The following CSMD1 variants were observed in gnomAD, a reference collection of about 807,000 sequenced individuals.
The protein encoded by CSMD1 is CUB and Sushi multiple domains 1.
A neutral mutation model predicts 417.5 loss-of-function variants in CSMD1; 213 were observed. The observed-to-expected ratio is 0.51, with a 90% CI of 0.46 to 0.57. The LOEUF (loss-of-function observed/expected upper bound fraction) is 0.57. CSMD1 is among the 20% of genes least tolerant of loss of function. The pLI is 0.00. For missense variants in CSMD1, 6,923 were observed against 4,529.7 expected (o/e 1.53, Z -15.17); for synonymous variants, 2,862 against 1,736.8 (o/e 1.65, Z -16.11).
At chr8:4,194,659 A>G (rs1443310998) in intron 3 of CSMD1, among the ~76,000 whole-genome samples, 2 of 152,178 alleles carry the variant, frequency 1.3e-5, no homozygotes, top group East Asian at 1.9e-4. Context: ...AAATAAAAAC[A>G]TTTAATAAAA....
chr8:4,332,084 A>G (rs1482533712), intron 3 of CSMD1, among the ~76,000 whole-genome samples: 3 of 152,086 alleles, frequency 2.0e-5, no homozygotes, highest in East Asian at 3.9e-4. Context: ...TGAATCATCT[A>G]TTTTTAATTT....
chr8:3,655,135 T>C (rs1353510993), intron 7 of CSMD1, among the ~76,000 whole-genome samples: 3 of 152,228 alleles, frequency 2.0e-5, no homozygotes, highest in Non-Finnish European at 2.9e-5. Flanking sequence ...AAGCTTTAGC[T>C]ATAGAGCTAA....
intron 42 of CSMD1, among the ~76,000 whole-genome samples, chr8:3,112,240 C>T (rs1254846997): frequency 6.6e-6 from 1 of 152,180 alleles, no homozygotes; most frequent in Non-Finnish European, 1.5e-5. Context: ...TAAGAGTGAA[C>T]TCATGAAACC....
chr8:4,282,711 T>C (rs1373271204), intron 3 of CSMD1, among the ~76,000 whole-genome samples: 1 of 152,226 alleles, frequency 6.6e-6, no homozygotes, highest in Non-Finnish European at 1.5e-5. Context: ...ACAACTCATT[T>C]ATAATCGGAA....
intron 7 of CSMD1, among the ~76,000 whole-genome samples, chr8:3,632,776 C>G (rs940580508): frequency 6.6e-6 from 1 of 152,178 alleles, no homozygotes; most frequent in Non-Finnish European, 1.5e-5. Flanking sequence ...TTGTTTTTGG[C>G]AGTCTCCATT....
chr8:3,170,958 G>A (rs926375774), intron 37 of CSMD1, among the ~76,000 whole-genome samples: 3 of 152,170 alleles, frequency 2.0e-5, no homozygotes, highest in South Asian at 2.1e-4. Context: ...GGCACACAAT[G>A]TTGAACCACT....
intron 1 of CSMD1, among the ~76,000 whole-genome samples, chr8:4,864,411 C>G (rs887974267): frequency 6.6e-6 from 1 of 151,818 alleles, no homozygotes; most frequent in Admixed American, 6.6e-5. Flanking sequence ...AATATCACTT[C>G]CTTACTTTAC....
At chr8:3,185,999 T>C (rs1010094473) in intron 36 of CSMD1, among the ~76,000 whole-genome samples, 2 of 152,102 alleles carry the variant, frequency 1.3e-5, no homozygotes, top group African/African-American at 4.8e-5. Flanking sequence ...GATATTTTAA[T>C]TTATTTTTCC....
At chr8:3,652,695 C>T (rs1797918965) in intron 7 of CSMD1, among the ~76,000 whole-genome samples, 1 of 152,098 alleles carries the variant, frequency 6.6e-6, no homozygotes, top group Non-Finnish European at 1.5e-5. Flanking sequence ...GGAAACTGCC[C>T]ATGTGATTCA....
At chr8:3,720,609 G>A (rs1403287670) in intron 6 of CSMD1, among the ~76,000 whole-genome samples, 1 of 70,430 alleles carries the variant, frequency 1.4e-5, no homozygotes, top group African/African-American at 5.6e-5. Context: ...GGTGGTCAAA[G>A]TCTTTATTCT....
At chr8:4,180,816 C>T (rs944990916) in intron 3 of CSMD1, among the ~76,000 whole-genome samples, 3 of 151,962 alleles carry the variant, frequency 2.0e-5, no homozygotes, top group African/African-American at 7.3e-5. Flanking sequence ...GTTCACAAAT[C>T]CAACCAACCA....
At chr8:4,624,607 T>G (rs904895952) in intron 2 of CSMD1, among the ~76,000 whole-genome samples, 2 of 152,166 alleles carry the variant, frequency 1.3e-5, no homozygotes, top group Non-Finnish European at 2.9e-5. Flanking sequence ...TCCACGACAT[T>G]GGACACGCCT....
chr8:3,278,977 C>G (rs1402702965), intron 26 of CSMD1: 3 of 152,154 alleles, frequency 2.0e-5, no homozygotes, highest in Non-Finnish European at 4.4e-5. Context: ...TTTTCTAAAA[C>G]TAGAAAACCA....
chr8:4,409,420 G>T (rs372852026), intron 3 of CSMD1, among the ~76,000 whole-genome samples: 1 of 151,900 alleles, frequency 6.6e-6, no homozygotes, highest in African/African-American at 2.4e-5. Context: ...CCATATTCTT[G>T]TCATTTTAGA....
intron 18 of CSMD1, among the ~76,000 whole-genome samples, chr8:3,386,352 T>C (rs1224648685): frequency 6.6e-6 from 1 of 152,122 alleles, no homozygotes; most frequent in African/African-American, 2.4e-5. Flanking sequence ...TCCCACCTAC[T>C]CCTGCCCAGA....
intron 5 of CSMD1, among the ~76,000 whole-genome samples, chr8:3,882,442 C>G (rs1806269837): frequency 6.6e-6 from 1 of 152,172 alleles, no homozygotes; most frequent in East Asian, 1.9e-4. Context: ...CTGGAAATTT[C>G]CTACACTACG....
At chr8:4,623,625 A>G (rs947250044) in intron 2 of CSMD1, among the ~76,000 whole-genome samples, 16 of 152,248 alleles carry the variant, frequency 1.1e-4, no homozygotes, top group African/African-American at 3.4e-4. Flanking sequence ...GCATAGCTGT[A>G]TATTGGAATT....
chr8:3,781,234 A>G (rs1182195570), intron 5 of CSMD1, among the ~76,000 whole-genome samples: 1 of 152,174 alleles, frequency 6.6e-6, no homozygotes, highest in Non-Finnish European at 1.5e-5. Context: ...GCACCTGTTC[A>G]ATTTTGTGAA....
At chr8:3,002,356 C>A (rs547499840) in intron 52 of CSMD1, among the ~76,000 whole-genome samples, 17 of 152,186 alleles carry the variant, frequency 1.1e-4, no homozygotes, top group Non-Finnish European at 2.2e-4. Context: ...TCGTTCCAAC[C>A]CTAGAGACAG....
Sources: allele counts gnomAD v4.1 joint callset (sites outside exome capture counted in the v4.1 genomes callset), GRCh38; gene constraint gnomAD v4.1.1; transcripts MANE v1.5; gene names NCBI Gene and HGNC (gene_info 2026-07-23, HGNC 2026-07-21).